The following ANKRD13D variants were observed in gnomAD, a reference collection of about 807,000 sequenced individuals.
ANKRD13D encodes the protein ankyrin repeat domain-containing protein 13D.
In ANKRD13D, 24 loss-of-function variants were observed where a neutral mutation model predicts 68.8. The ratio of observed to expected loss-of-function variants is 0.35; its 90% confidence interval spans 0.25 to 0.49. The LOEUF is 0.49. ANKRD13D is among the 20% of genes least tolerant of loss of function. ANKRD13D has a pLI of 0.99. For missense variants in ANKRD13D, 735 were observed against 832.1 expected (o/e 0.88, Z 1.44); for synonymous variants, 331 against 336.1 (o/e 0.98, Z 0.16).
At position 67,299,688 on chromosome 11, in the gene ANKRD13D, A is replaced by G. The variant is rs1455662349; in HGVS notation, c.880+77A>G. On this transcript the variant is annotated intron_variant, in intron 8 of 14. Coordinates refer to ENST00000511455, the MANE Select transcript of ANKRD13D (RefSeq NM_207354.3). This position sits in a 1 kb window ranked among gnomAD's most constrained non-coding sequence, Gnocchi z 6.2. The stretch of plus-strand genomic sequence containing the variant: ...ACCCTGGCCTGGGATTAGGGGCCAG[A>G]GTTTCCCAGGATGAGCTGGGAGGCC... 1 of 1,530,506 alleles carries G rather than the reference A, an allele frequency of 6.5e-7. No individual in the cohort carries two copies. Among genetic ancestry groups the G allele is most frequent in the Non-Finnish European group, 8.8e-7 (1 of 1,131,294 alleles). 94.8% of individuals were successfully genotyped at this position (1,530,506 alleles called of 1,614,324 possible).
chr11:67,290,182 C>G lies in ANKRD13D; in HGVS notation c.195C>G (p.Asn65Lys). The G allele has an allele frequency of 6.5e-7, 1 of 1,537,666 alleles. No homozygotes were observed. The highest frequency in any genetic ancestry group is 8.7e-7 in the Non-Finnish European group (1 of 1,146,900). ...GAGTGCTCCTTCGACACAATGCCAA[C>G]GTGGGCAAAGAGAACCGCCAGGGCT... ...SVRVLLRHNA[N>K]VGKENRQGWA... is the part of the protein sequence containing the mutation. The change falls in exon 2 of 15, where the codon AAC (asparagine) becomes AAG (lysine). Residue 65 changes from asparagine to lysine, a missense_variant. By Grantham distance (94) the Asn-to-Lys change is moderately conservative (BLOSUM62 0). Transcript: ENST00000511455.
rs1860576285 is a variant in ANKRD13D, at chr11:67,291,974, C to T, written c.542-17C>T. 2 of 1,564,514 alleles carry T rather than the reference C, an allele frequency of 1.3e-6. No individual in the cohort carries two copies. ...CACTGATTTGCGCCCCCTCTGTCCA[C>T]CCCTACCGGCCGGCAGAGGCAGGAG... On this transcript the variant is annotated splice_polypyrimidine_tract_variant and intron_variant, in intron 5 of 14. Transcript: ENST00000511455.
At position 67,291,482 on chromosome 11, in the gene ANKRD13D, G is replaced by A. The variant is rs772312818; in HGVS notation, c.358G>A (p.Asp120Asn). The A allele has an allele frequency of 4.3e-6, 7 of 1,613,122 alleles. No individual in the cohort carries two copies. Among genetic ancestry groups the A allele is most frequent in the African/African-American group, 1.3e-5 (1 of 74,830 alleles). The change falls in exon 4 of 15, where the codon GAT becomes AAT. Residue 120 changes from aspartate to asparagine, a missense_variant. Physicochemically the swap from Asp to Asn is conservative, Grantham distance 23. Transcript: ENST00000511455. ...CAGCTCTGGTTTCTCTTAGGCCCCCGATTTCTACGTTGAGATGAAGTGGGA... is the reference window on the plus strand; with the variant it reads ...CAGCTCTGGTTTCTCTTAGGCCCCCAATTTCTACGTTGAGATGAAGTGGGA... ...ELLNKLRQAP[D>N]FYVEMKWEFT...
chr11:67,294,274 A>C (rs977716378), intron 6 of ANKRD13D, among the ~76,000 whole-genome samples: 3 of 152,188 alleles, frequency 2.0e-5, no homozygotes, highest in Non-Finnish European at 4.4e-5. Flanking sequence ...GTGTAGGCAG[A>C]ATATATGAAT....
Position 67,301,879 on chromosome 11 carries a change from G to A in ANKRD13D, c.1604+56G>A, listed in dbSNP as rs191800510. 4,105 of 1,517,106 alleles carry A rather than the reference G, an allele frequency of 2.7e-3. 13 individuals carry two copies. The highest frequency in any genetic ancestry group is 3.3e-3 in the Non-Finnish European group (3,733 of 1,127,648). 94.0% of individuals were successfully genotyped at this position (1,517,106 alleles called of 1,614,324 possible). A position where few individuals can be genotyped will look rare whatever the true frequency, so the allele number is the denominator to read the frequency against. ...TGTCCCCCCAGCCCTGGCTTGGCGG[G>A]GAGGGGGATAGCAGGAAGGTGCTAG... On this transcript the variant is annotated intron_variant, in intron 14 of 14. Coordinates refer to ENST00000511455, the MANE Select transcript of ANKRD13D (RefSeq NM_207354.3). This position sits in a 1 kb window ranked among gnomAD's most constrained non-coding sequence, Gnocchi z 4.5.
At chr11:67,289,996 A>G (rs2136516862) in intron 1 of ANKRD13D, 82 bp from the exon 2 acceptor site, 1 of 1,472,044 alleles carries the variant, frequency 6.8e-7, no homozygotes, top group South Asian at 1.3e-5. Flanking sequence ...TCCCACAGCG[A>G]TTCCCAACCC....
Position 67,291,630 on chromosome 11 carries a change from G to A in ANKRD13D, c.425G>A (p.Ser142Asn). 1.2e-6 allele frequency: 2 copies of A among 1,614,064 alleles called. No homozygotes were observed. The highest frequency in any genetic ancestry group is 1.7e-6 in the Non-Finnish European group (2 of 1,180,038). The change falls in exon 5 of 15, where the codon AGC (serine) becomes AAC (asparagine). Residue 142 changes from serine to asparagine, a missense_variant. Transcript: ENST00000511455. ...CCCCTTGTGTCTAAGATGTGCCCAA[G>A]CGATGTGTACCGCGTGTGGAAGCGG... is the stretch of plus-strand genomic sequence containing the variant. ...WVPLVSKMCP[S>N]DVYRVWKRGE...
chr11:67,301,571 C>T lies in ANKRD13D; in HGVS notation c.1432C>T (p.Pro478Ser). 6.2e-7 allele frequency: 1 copy of T among 1,612,986 alleles called. No homozygotes were observed. The highest frequency in any genetic ancestry group is 8.5e-7 in the Non-Finnish European group (1 of 1,180,010). Residue 478 changes from proline to serine, a missense_variant, in exon 13 of 15, where the codon CCC (proline) becomes TCC (serine). Coordinates refer to ENST00000511455, the MANE Select transcript of ANKRD13D (RefSeq NM_207354.3). The surrounding 1 kb of genome is among the most constrained non-coding windows in gnomAD (Gnocchi z 4.5). ...CGTGCTGGGCATGGAGCGCAACGAG[C>T]CCCTCCGGGACGAGGACGATGACCT... Reference protein sequence around the residue: ...YSVLGMERNEPLRDEDDDLLQ... With the variant: ...YSVLGMERNESLRDEDDDLLQ...
rs563176227 is a variant in ANKRD13D, at chr11:67,302,051, C to T, written c.1605-68C>T. 127 of 1,465,522 alleles carry T rather than the reference C, an allele frequency of 8.7e-5. 1 individual carries two copies. The East Asian group carries it at 3.2e-3, about 37-fold the overall frequency. 90.8% of individuals were successfully genotyped at this position (1,465,522 alleles called of 1,614,324 possible). ...TTTGTCCTCCAAAGCCGGTCCCCAG[C>T]CCCTCGGCTTCTGCCCCAGCCTTGG... On this transcript the variant is annotated intron_variant, in intron 14 of 14. Transcript: ENST00000511455.
In ANKRD13D at chr11:67,302,455, T is replaced by G; in HGVS notation, c.*123T>G. On this transcript the variant is annotated 3_prime_UTR_variant, in exon 15 of 15. Transcript: ENST00000511455. ...CCAGGAATGAGCAGGCAGGGGAGAC[T>G]GAGATGGAAATAAAGAGACTGTCGC... is the stretch of plus-strand genomic sequence containing the variant. The G allele has an allele frequency of 7.4e-7, 1 of 1,356,186 alleles. No individual in the cohort carries two copies. Among genetic ancestry groups the G allele is most frequent in the Non-Finnish European group, 9.8e-7 (1 of 1,025,252 alleles). The allele number at this position is 1,356,186 out of a possible 1,614,324, so 84.0% of individuals were successfully genotyped here. A position where few individuals can be genotyped will look rare whatever the true frequency, so the allele number is the denominator to read the frequency against.
At position 67,302,205 on chromosome 11, in the gene ANKRD13D, G is replaced by T. The variant is rs755811448; in HGVS notation, c.1691G>T (p.Ser564Ile). 1.0e-5 allele frequency: 16 copies of T among 1,589,276 alleles called. 2 individuals carry two copies. In the South Asian group the frequency reaches 1.6e-4, roughly 16 times the overall value. The change falls in exon 15 of 15, where the codon AGC becomes ATC. Residue 564 changes from serine to isoleucine, a missense_variant. Ser to Ile is a moderately radical substitution (Grantham distance 142, BLOSUM62 -2). Coordinates refer to ENST00000511455, the MANE Select transcript of ANKRD13D (RefSeq NM_207354.3). The stretch of plus-strand genomic sequence containing the variant: ...ACACCCCCAGCCCCCGGTCCACCCA[G>T]CTTTGAAGAGCAGCTGCGCCTGGCC... ...PRTPPAPGPP[S>I]FEEQLRLALE...
Position 67,300,098 on chromosome 11 carries a change from A to G in ANKRD13D, c.1048A>G (p.Ile350Val), listed in dbSNP as rs777513068. The change falls in exon 10 of 15, where the codon ATC becomes GTC. Residue 350 changes from isoleucine to valine, a missense_variant. Ile to Val is a conservative substitution (Grantham distance 29). Coordinates refer to ENST00000511455, the MANE Select transcript of ANKRD13D (RefSeq NM_207354.3). The surrounding 1 kb of genome is among the most constrained non-coding windows in gnomAD (Gnocchi z 4.3). ...SLESRNIGRP[I>V]EMSSKVQRFK... ...GGAGTCACGGAACATTGGCCGCCCC[A>G]TCGAGATGTCCAGCAAAGTACAGAG... The G allele has an allele frequency of 3.8e-5, 61 of 1,613,910 alleles. No homozygotes were observed. The highest frequency in any genetic ancestry group is 4.8e-5 in the Non-Finnish European group (57 of 1,179,964).
rs1273974536 is a variant in ANKRD13D at position 67,301,270 on chromosome 11, G to T, written c.1232-12G>T. 6.2e-7 allele frequency: 1 copy of T among 1,607,486 alleles called. No individual in the cohort carries two copies. The highest frequency in any genetic ancestry group is 1.3e-5 in the African/African-American group (1 of 74,996). ...TCTCCGCCAGGGCTCAGGCGTGGCT[G>T]TCTTCTCACAGAGATTCCCCTTTTC... On this transcript the variant is annotated splice_polypyrimidine_tract_variant and intron_variant, in intron 11 of 14. Transcript: ENST00000511455. The surrounding 1 kb of genome is among the most constrained non-coding windows in gnomAD (Gnocchi z 4.5).
intron 6 of ANKRD13D, among the ~76,000 whole-genome samples, chr11:67,297,209 G>A (rs552744411): frequency 2.4e-4 from 36 of 152,036 alleles, no homozygotes; most frequent in South Asian, 2.1e-4. Context: ...ATACTTCTAG[G>A]CATGTCTTTT....
intron 6 of ANKRD13D, among the ~76,000 whole-genome samples, chr11:67,297,526 GTT>G (rs34979469): frequency 3.7e-4 from 50 of 134,370 alleles, no homozygotes; most frequent in Middle Eastern, 3.9e-3. Context: ...AAGTTTTTTG[GTT>G]TTTTTTTTTT....
chr11:67,293,028 C>T (rs1159616660), intron 6 of ANKRD13D, among the ~76,000 whole-genome samples: 15 of 152,120 alleles, frequency 9.9e-5, no homozygotes, highest in Non-Finnish European at 2.2e-4. Flanking sequence ...TATACCATAT[C>T]TTGTTTATTC....
intron 1 of ANKRD13D, 127 bp downstream of exon 1, chr11:67,289,677 C>G: frequency 7.8e-7 from 1 of 1,279,888 alleles, no homozygotes; most frequent in Non-Finnish European, 1.0e-6. Context: ...GCCTTCCTCC[C>G]CTGCACGATC....
rs1219432283 is a variant in ANKRD13D at position 67,299,390 on chromosome 11, C to T, written c.799-140C>T. 1 of 790,876 alleles carries T rather than the reference C, an allele frequency of 1.3e-6. No homozygotes were observed. Among genetic ancestry groups the T allele is most frequent in the African/African-American group, 1.7e-5 (1 of 57,488 alleles). The allele number at this position is 790,876 out of a possible 1,614,324, so 49.0% of individuals were successfully genotyped here. On this transcript the variant is annotated intron_variant, in intron 7 of 14. Transcript: ENST00000511455. The surrounding 1 kb of genome is among the most constrained non-coding windows in gnomAD (Gnocchi z 6.2). ...TCCTCGTTGGTGACTTCCTGGGGTTCAGACCCTGCCACCTCCTCCATTTTG... is the reference window on the plus strand; with the variant it reads ...TCCTCGTTGGTGACTTCCTGGGGTTTAGACCCTGCCACCTCCTCCATTTTG...
At position 67,301,470 on chromosome 11, in the gene ANKRD13D, C is replaced by T. The variant is rs1860988033; in HGVS notation, c.1349-18C>T. On this transcript the variant is annotated intron_variant, in intron 12 of 14. Coordinates refer to ENST00000511455, the MANE Select transcript of ANKRD13D (RefSeq NM_207354.3). This position sits in a 1 kb window ranked among gnomAD's most constrained non-coding sequence, Gnocchi z 4.5. ...CAAGCCCCGCGGGTTGAGCGTGGCCCCTCTGCCACCTGCCTAGGGAACCCT... is the reference window on the plus strand; with the variant it reads ...CAAGCCCCGCGGGTTGAGCGTGGCCTCTCTGCCACCTGCCTAGGGAACCCT... 9 of 1,610,670 alleles carry T rather than the reference C, an allele frequency of 5.6e-6. No homozygotes were observed. The highest frequency in any genetic ancestry group is 6.8e-6 in the Non-Finnish European group (8 of 1,178,246).
Sources: gnomAD v4.1 joint callset for allele counts (sites outside exome capture counted in the v4.1 genomes callset) on GRCh38, gnomAD v4.1.1 for gene constraint, Gnocchi (gnomAD v3.1) non-coding constraint, MANE v1.5 for transcripts, NCBI Gene and HGNC (gene_info 2026-07-23, HGNC 2026-07-21) for gene names.